Variants in SLC29A3 observed in about 807,000 individuals in gnomAD.
SLC29A3 encodes the protein equilibrative nucleoside transporter 3.
In SLC29A3, 18 loss-of-function variants were observed where a neutral mutation model predicts 25.4. The ratio of observed to expected loss-of-function variants is 0.71; its 90% CI spans 0.49 to 1.05. SLC29A3 has a LOEUF of 1.05. SLC29A3 is among the 50% of genes least tolerant of loss of function. SLC29A3 has a pLI of 0.00. For synonymous variants in SLC29A3, 258 were observed against 267.1 expected, an observed-to-expected ratio of 0.97 and a Z score of 0.33; for missense variants, 586 against 609.0, an observed-to-expected ratio of 0.96 and a Z score of 0.40.
chr10:71,372,082 T>A (rs1244112054), intron 3 of SLC29A3, among the ~76,000 whole-genome samples: 1 of 152,178 alleles, frequency 6.6e-6, no homozygotes, highest in African/African-American at 2.4e-5. Flanking sequence ...GAACCAGTCA[T>A]CGGTCACAGG....
intron 1 of SLC29A3, among the ~76,000 whole-genome samples, chr10:71,321,754 A>G (rs1845850437): frequency 6.6e-6 from 1 of 152,258 alleles, no homozygotes; most frequent in African/African-American, 2.4e-5. Flanking sequence ...CATGTAGGCA[A>G]TAGTTGCTGG....
At chr10:71,329,472 A>G (rs1177588539) in intron 2 of SLC29A3, among the ~76,000 whole-genome samples, 1 of 151,792 alleles carries the variant, frequency 6.6e-6, no homozygotes, top group Non-Finnish European at 1.5e-5. Flanking sequence ...AAAAAAAAAA[A>G]AGAAAAGAAA....
intron 5 of SLC29A3, among the ~76,000 whole-genome samples, chr10:71,357,546 C>T (rs1044589726): frequency 6.6e-6 from 1 of 152,096 alleles, no homozygotes; most frequent in Admixed American, 6.5e-5. Flanking sequence ...CCACCATGCC[C>T]AGCACAAAGA....
rs1554816962 is a variant in SLC29A3, at chr10:71,350,314, C to CTTGTGTGT, written c.384-1248_384-1247insTTGTGTGT. Reference sequence around the variant, plus strand: ...TTTCTTGCTCATCATTTCACACCTACGTGTGTGTGTGTGTGTGTGTGTGTG... The same window carrying CTTGTGTGT: ...TTTCTTGCTCATCATTTCACACCTACTTGTGTGTGTGTGTGTGTGTGTGTGTGTGTGTG... On this transcript the variant is annotated intron_variant, in intron 3 of 5. Coordinates refer to ENST00000373189, the MANE Select transcript of SLC29A3 (RefSeq NM_018344.6). Among the ~76,000 whole-genome samples the CTTGTGTGT allele has an allele frequency of 5.6e-5, 8 of 142,578 alleles. No individual in the cohort carries two copies. The East Asian group carries it at 6.2e-4, about 11-fold the overall frequency. The allele number at this position is 142,578 out of a possible 152,430, so 93.5% of individuals were successfully genotyped here. A position where few individuals can be genotyped will look rare whatever the true frequency, so the allele number is the denominator to read the frequency against.
chr10:71,363,296 C>A lies in SLC29A3; in HGVS notation c.*688C>A, dbSNP rs1228656237. ...ATCCTCATGACCTGGTGGTCTATGGCCTGGGTCAAGATGAGGGTCTTTCAG... is the reference window on the plus strand; with the variant it reads ...ATCCTCATGACCTGGTGGTCTATGGACTGGGTCAAGATGAGGGTCTTTCAG... On this transcript the variant is annotated 3_prime_UTR_variant, in exon 6 of 6. Transcript: ENST00000373189. 4.4e-6 allele frequency: 2 copies of A among 453,950 alleles called. No homozygotes were observed. The highest frequency in any genetic ancestry group is 8.8e-6 in the Non-Finnish European group (2 of 226,802). 28.1% of individuals were successfully genotyped at this position (453,950 alleles called of 1,614,324 possible).
At chr10:71,321,055 T>A (rs562638352) in intron 1 of SLC29A3, among the ~76,000 whole-genome samples, 2 of 152,218 alleles carry the variant, frequency 1.3e-5, no homozygotes, top group Non-Finnish European at 2.9e-5. Context: ...CTTAGAGTAG[T>A]ACCTAATATA....
intron 3 of SLC29A3, among the ~76,000 whole-genome samples, chr10:71,372,823 G>A (rs996412922): frequency 5.9e-5 from 9 of 152,146 alleles, no homozygotes; most frequent in Non-Finnish European, 1.0e-4. Context: ...CAAGGTTGGC[G>A]CCTGGTGGCT....
chr10:71,351,833 G>T, intron 4 of SLC29A3, 45 bp downstream of exon 4: 1 of 1,533,548 alleles, frequency 6.5e-7, no homozygotes, highest in South Asian at 1.2e-5. Context: ...ATCCACCCAG[G>T]AGTCATGGGA....
At chr10:71,369,569 A>T (rs1041453637) in intron 3 of SLC29A3, among the ~76,000 whole-genome samples, 3 of 152,232 alleles carry the variant, frequency 2.0e-5, no homozygotes, top group African/African-American at 7.2e-5. Context: ...AGCGTAAACA[A>T]ATGACTGTTT....
intron 5 of SLC29A3, among the ~76,000 whole-genome samples, chr10:71,361,457 C>T (rs538883731): frequency 4.4e-4 from 67 of 152,314 alleles, no homozygotes; most frequent in Non-Finnish European, 8.5e-4. Context: ...CCATCATGCC[C>T]GGCCTAGAAT....
intron 2 of SLC29A3, among the ~76,000 whole-genome samples, chr10:71,335,954 G>A (rs906320314): frequency 2.6e-5 from 4 of 152,160 alleles, no homozygotes; most frequent in African/African-American, 4.8e-5. Flanking sequence ...AGATGATGAG[G>A]AAGTGTGGAG....
At chr10:71,340,646 G>C (rs1405702978) in intron 2 of SLC29A3, among the ~76,000 whole-genome samples, 1 of 152,200 alleles carries the variant, frequency 6.6e-6, no homozygotes, top group African/African-American at 2.4e-5. Flanking sequence ...TGCTTTGGGG[G>C]CAGTCTTGTT....
At chr10:71,336,369 C>T (rs1846254225) in intron 2 of SLC29A3, among the ~76,000 whole-genome samples, 1 of 152,058 alleles carries the variant, frequency 6.6e-6, no homozygotes, top group South Asian at 2.1e-4. Context: ...GGGTAGCATG[C>T]AGTGTCTGGA....
intron 2 of SLC29A3, among the ~76,000 whole-genome samples, chr10:71,329,448 ACT>A (rs1846067851): frequency 1.6e-5 from 2 of 128,624 alleles, no homozygotes; most frequent in South Asian, 4.7e-4. Flanking sequence ...ACAGAGCAAG[ACT>A]CTGTCTCAAA....
At chr10:71,350,314 C>CGTGTGT (rs775651402) in intron 3 of SLC29A3, among the ~76,000 whole-genome samples, 33,731 of 142,280 alleles carry the variant, frequency 0.24, 4,556 homozygotes, top group Middle Eastern at 0.31. Flanking sequence ...TTCACACCTA[C>CGTGTGT]GTGTGTGTGT....
chr10:71,362,991 G>T lies in SLC29A3; in HGVS notation c.*383G>T. ...ATGGGCTCTTTGCAACCTCCCAGCT[G>T]CGCTCATTCCAGCTGACAGCGAGAT... On this transcript the variant is annotated 3_prime_UTR_variant, in exon 6 of 6. Coordinates refer to ENST00000373189, the MANE Select transcript of SLC29A3 (RefSeq NM_018344.6). 2.1e-6 allele frequency: 1 copy of T among 471,844 alleles called. No individual in the cohort carries two copies. The highest frequency in any genetic ancestry group is 1.5e-5 in the South Asian group (1 of 64,650). The allele number at this position is 471,844 out of a possible 1,614,324, so 29.2% of individuals were successfully genotyped here.
At chr10:71,349,782 C>T in intron 3 of SLC29A3, among the ~76,000 whole-genome samples, 1 of 152,150 alleles carries the variant, frequency 6.6e-6, no homozygotes, top group Non-Finnish European at 1.5e-5. Context: ...CCTGAACATG[C>T]CTCACTCTCT....
intron 1 of SLC29A3, among the ~76,000 whole-genome samples, chr10:71,320,846 C>T (rs1366184737): frequency 6.6e-6 from 1 of 152,198 alleles, no homozygotes; most frequent in Non-Finnish European, 1.5e-5. Flanking sequence ...GGCTTCAAGG[C>T]TTGCAGGAAG....
rs1254357473 is a variant in SLC29A3, at chr10:71,370,400, T to C, written c.*95-5295T>C. ...CCTCTGCCCCTCAGCAAGACCATAC[T>C]TGGGCTACTGTAAACCAGCTGGCAC... On this transcript the variant is annotated intron_variant and NMD_transcript_variant, in intron 3 of 4. Coordinates refer to the SLC29A3 transcript ENST00000642772. Among the ~76,000 whole-genome samples, 5 of 152,224 alleles carry C rather than the reference T, an allele frequency of 3.3e-5. No individual in the cohort carries two copies. The East Asian group carries it at 9.6e-4, about 29-fold the overall frequency.
Sources: gnomAD v4.1 joint callset for allele counts (sites outside exome capture counted in the v4.1 genomes callset) on GRCh38, gnomAD v4.1.1 for gene constraint, MANE v1.5 for transcripts, NCBI Gene and HGNC (gene_info 2026-07-23, HGNC 2026-07-21) for gene names.